SRPX2: variants seen among roughly 807,000 people sequenced by gnomAD.
SRPX2 encodes sushi repeat containing protein X-linked 2.
Under a neutral mutation model 45.3 loss-of-function variants are expected in SRPX2, and 26 were observed. That is an observed-to-expected ratio of 0.57 (90% CI 0.42 to 0.80). SRPX2 has a LOEUF of 0.80. Ranked by LOEUF, SRPX2 falls within the 30% of genes least tolerant of loss-of-function variation. The probability of loss-of-function intolerance (pLI) is 0.00; values close to 1 mark genes in which losing one functional copy is unlikely to be tolerated. For missense variants in SRPX2, 355 were observed against 399.8 expected (o/e 0.89, Z 0.95); for synonymous variants, 125 against 143.7 (o/e 0.87, Z 0.93).
rs1375000940 is a variant in SRPX2 at position 100,655,057 on chromosome X, CAGAT to C, written c.163+4193_163+4196del. ...TGCATACACCTTAAAAAGAGATAGA[CAGAT>C]GAATAGCTACAGAAAGCGGAGACAA... On this transcript the variant is annotated intron_variant, in intron 3 of 10. Transcript: ENST00000373004. Among the ~76,000 whole-genome samples, 5 of 112,194 alleles carry C rather than the reference CAGAT, an allele frequency of 4.5e-5. No homozygotes were observed. In the East Asian group the frequency reaches 1.4e-3, roughly 31 times the overall value.
chrX:100,644,997 T>C (rs1723416514), intron 1 of SRPX2, among the ~76,000 whole-genome samples: 1 of 111,907 alleles, frequency 8.9e-6, no homozygotes, highest in African/African-American at 3.3e-5. Context: ...AGATTTTCTT[T>C]CCTTCCTTCC....
In SRPX2 at chrX:100,671,240, G is replaced by T; in HGVS notation, c.*253G>T. On this transcript the variant is annotated 3_prime_UTR_variant, in exon 11 of 11. Transcript: ENST00000373004. ...GTAGAAGTTCTTCCTTTCCTAACCC[G>T]GGCCCCTGCCCAGCTCTCCAAAGTC... The T allele has an allele frequency of 2.4e-6, 1 of 415,043 alleles. No homozygotes were observed. Among genetic ancestry groups the T allele is most frequent in the Non-Finnish European group, 4.2e-6 (1 of 237,033 alleles). 34.2% of individuals were successfully genotyped at this position (415,043 alleles called of 1,213,427 possible).
chrX:100,648,592 G>A (rs2083142544), intron 2 of SRPX2, among the ~76,000 whole-genome samples: 1 of 112,381 alleles, frequency 8.9e-6, no homozygotes, highest in African/African-American at 3.2e-5. Context: ...GGGGAAATGG[G>A]AAAATGGAAA....
chrX:100,670,571 G>A (rs1046878886), intron 10 of SRPX2, among the ~76,000 whole-genome samples: 2 of 111,757 alleles, frequency 1.8e-5, no homozygotes, highest in African/African-American at 6.5e-5. Context: ...AGTTGTTGCA[G>A]CTGAGGTGAG....
In SRPX2 at chrX:100,671,612, G is replaced by A. The variant is rs2083226258; in HGVS notation, c.*625G>A. 8.7e-6 allele frequency: 1 copy of A among 114,687 alleles called. No individual in the cohort carries two copies. The highest frequency in any genetic ancestry group is 8.5e-5 in the Admixed American group (1 of 11,718). The allele number at this position is 114,687 out of a possible 1,213,427, so 9.5% of individuals were successfully genotyped here. The stretch of plus-strand genomic sequence containing the variant: ...CACCACCACACCCGGCTAACGTTTT[G>A]TATTTTTAGTAGAGACGGGTTTTGA... On this transcript the variant is annotated 3_prime_UTR_variant, in exon 11 of 11. Coordinates refer to ENST00000373004, the MANE Select transcript of SRPX2 (RefSeq NM_014467.3).
intron 3 of SRPX2, among the ~76,000 whole-genome samples, chrX:100,655,855 GTTTTT>G (rs11362126): frequency 2.2e-4 from 11 of 50,009 alleles, no homozygotes; most frequent in Admixed American, 6.3e-4. Flanking sequence ...GGGTGGGGGA[GTTTTT>G]TTTTTTTTTT....
chrX:100,665,797 G>C, intron 7 of SRPX2, 140 bp downstream of exon 7: 1 of 945,765 alleles, frequency 1.1e-6, no homozygotes, highest in Non-Finnish European at 1.5e-6. Context: ...CACCAAACAG[G>C]CTTATTTAGG....
chrX:100,663,599 C>T (rs2083194637), intron 4 of SRPX2, among the ~76,000 whole-genome samples: 2 of 112,285 alleles, frequency 1.8e-5, no homozygotes, highest in South Asian at 7.5e-4. Context: ...GTCTGGTTTG[C>T]CAAGCAACAA....
At chrX:100,651,503 A>G (rs1204409) in intron 3 of SRPX2, among the ~76,000 whole-genome samples, 2,243 of 111,105 alleles carry the variant, frequency 0.02, 61 homozygotes, top group African/African-American at 0.07. Context: ...AATATAGGCC[A>G]AGTGCAGTGG....
At chrX:100,670,653 G>A (rs945333555) in intron 10 of SRPX2, among the ~76,000 whole-genome samples, 154 bp from the exon 11 acceptor site, 1 of 111,365 alleles carries the variant, frequency 9.0e-6, no homozygotes, top group South Asian at 3.8e-4. Flanking sequence ...AAAACAAAGC[G>A]ACTTGAGACA....
intron 2 of SRPX2, among the ~76,000 whole-genome samples, chrX:100,650,484 G>T (rs1178085523): frequency 1.8e-5 from 2 of 111,800 alleles, no homozygotes; most frequent in Non-Finnish European, 3.8e-5. Context: ...AGTCCAGATT[G>T]ACAGGATTGA....
At position 100,672,222 on chromosome X, in the gene SRPX2, G is replaced by T. The variant is rs963161206; in HGVS notation, c.*1235G>T. ...CAGTCCCTCTCAATGGTGTGCCAGT[G>T]TCTGAAAGACAAGTGTTCTCTCCCT... On this transcript the variant is annotated 3_prime_UTR_variant, in exon 11 of 11. Coordinates refer to ENST00000373004, the MANE Select transcript of SRPX2 (RefSeq NM_014467.3). The T allele has an allele frequency of 8.9e-6, 1 of 112,325 alleles. No individual in the cohort carries two copies. Among genetic ancestry groups the T allele is most frequent in the East Asian group, 2.8e-4 (1 of 3,571 alleles). 9.3% of individuals were successfully genotyped at this position (112,325 alleles called of 1,213,427 possible). A position where few individuals can be genotyped will look rare whatever the true frequency, so the allele number is the denominator to read the frequency against.
intron 3 of SRPX2, among the ~76,000 whole-genome samples, chrX:100,655,429 G>A (rs1375424009): frequency 9.0e-6 from 1 of 111,404 alleles, no homozygotes; most frequent in Non-Finnish European, 1.9e-5. Flanking sequence ...GCAGGGGTTG[G>A]GGGAAGACAT....
chrX:100,666,811 C>T lies in SRPX2; in HGVS notation c.839C>T (p.Ala280Val), dbSNP rs1181884783. The change falls in exon 8 of 11, where the codon GCG becomes GTG. Residue 280 changes from alanine to valine, a missense_variant. Ala to Val is a moderately conservative substitution (Grantham distance 64). Transcript: ENST00000373004. ...PQHGYLTCTS[A>V]GDNYGATCEY... The stretch of plus-strand genomic sequence containing the variant: ...CACGGCTACCTCACCTGCACCTCAG[C>T]GGGGGACAACTATGGTGCCACCTGT... The T allele has an allele frequency of 2.5e-6, 3 of 1,212,060 alleles. No individual in the cohort carries two copies. Among genetic ancestry groups the T allele is most frequent in the South Asian group, 1.8e-5 (1 of 56,990 alleles).
intron 3 of SRPX2, chrX:100,660,987 C>A (rs956982783): frequency 8.9e-6 from 1 of 112,579 alleles, no homozygotes; most frequent in African/African-American, 3.2e-5. Context: ...GGCATAAATA[C>A]CTTTAAGTGG....
At chrX:100,663,345 C>G (rs2083193948) in intron 4 of SRPX2, among the ~76,000 whole-genome samples, 1 of 111,917 alleles carries the variant, frequency 8.9e-6, no homozygotes. Context: ...ATAATGGTGA[C>G]ATACATATTT....
chrX:100,650,375 G>C, intron 2 of SRPX2: 1 of 175,597 alleles, frequency 5.7e-6, no homozygotes, highest in Non-Finnish European at 1.1e-5. Context: ...CACAGGTTCT[G>C]TTTTTGCCTC....
intron 10 of SRPX2, among the ~76,000 whole-genome samples, chrX:100,670,169 T>C (rs968817320): frequency 9.0e-6 from 1 of 111,630 alleles, no homozygotes; most frequent in African/African-American, 3.3e-5. Context: ...AGTGGGTCTT[T>C]CTCATTATCT....
At chrX:100,651,008 G>A (rs1328570055) in intron 3 of SRPX2, 143 bp downstream of exon 3, 16 of 487,452 alleles carry the variant, frequency 3.3e-5, no homozygotes, top group Non-Finnish European at 4.2e-5. Flanking sequence ...TTCTCATCAT[G>A]AACTTGGTTA....
Sources: allele counts gnomAD v4.1 joint callset (sites outside exome capture counted in the v4.1 genomes callset), GRCh38; gene constraint gnomAD v4.1.1; transcripts MANE v1.5; gene names NCBI Gene and HGNC (gene_info 2026-07-23, HGNC 2026-07-21).